Variants in TNFRSF8 observed in about 807,000 individuals in gnomAD.
TNFRSF8 encodes the protein TNF receptor superfamily member 8, also known as tumor necrosis factor receptor superfamily member 8.
A neutral mutation model predicts 70.8 loss-of-function variants in TNFRSF8; 26 were observed. The ratio of observed to expected loss-of-function variants is 0.37; its 90% CI spans 0.27 to 0.51. The LOEUF (loss-of-function observed/expected upper bound fraction) is 0.51. Ranked by LOEUF, TNFRSF8 falls within the 20% of genes least tolerant of loss-of-function variation. The pLI, the probability that TNFRSF8 is intolerant of heterozygous loss-of-function variation, is 0.94. For synonymous variants in TNFRSF8, 356 were observed against 339.2 expected, an observed-to-expected ratio of 1.05 and a Z score of -0.54; for missense variants, 720 against 807.9, an observed-to-expected ratio of 0.89 and a Z score of 1.32.
Position 12,108,074 on chromosome 1 carries a change from A to ATTTTTTTTTTTTTTTTTTTT in TNFRSF8, c.422-1485_422-1484insTTTTTTTTTTTTTTTTTTTT, listed in dbSNP as rs199941905. On this transcript the variant is annotated intron_variant, in intron 4 of 14. Transcript: ENST00000263932. This position sits in a 1 kb window ranked among gnomAD's most constrained non-coding sequence, Gnocchi z 4.0. ...CGAAGTCCCACACATACAGGCCACC[A>ATTTTTTTTTTTTTTTTTTTT]TTTTTTTATTTTTTTTTTTTTTGTG... Among the ~76,000 whole-genome samples, 28 of 146,190 alleles carry ATTTTTTTTTTTTTTTTTTTT rather than the reference A, an allele frequency of 1.9e-4. 1 individual carries two copies. The highest frequency in any genetic ancestry group is 3.5e-4 in the Admixed American group (5 of 14,458).
chr1:12,083,887 G>T (rs1259338335), intron 1 of TNFRSF8, among the ~76,000 whole-genome samples: 1 of 152,176 alleles, frequency 6.6e-6, no homozygotes, highest in Non-Finnish European at 1.5e-5. Context: ...TCCAAAAGCA[G>T]TCAACACTAA....
intron 1 of TNFRSF8, among the ~76,000 whole-genome samples, chr1:12,066,386 C>T (rs1350166433): frequency 6.6e-6 from 1 of 150,632 alleles, no homozygotes; most frequent in Non-Finnish European, 1.5e-5. Context: ...TGAAGTCTCC[C>T]TCAGCTGCCC....
chr1:12,127,374 C>T (rs1045197037), intron 12 of TNFRSF8, among the ~76,000 whole-genome samples: 1 of 152,386 alleles, frequency 6.6e-6, no homozygotes, highest in Non-Finnish European at 1.5e-5. Context: ...CCCAGGGCCA[C>T]ACAGCCTGGC....
At chr1:12,076,054 G>A (rs1160321682) in intron 1 of TNFRSF8, among the ~76,000 whole-genome samples, 1 of 151,044 alleles carries the variant, frequency 6.6e-6, no homozygotes, top group Admixed American at 6.6e-5. Flanking sequence ...GCTGCTGAAC[G>A]AAATTGGCCA....
Position 12,109,270 on chromosome 1 carries a change from G to A in TNFRSF8, c.422-296G>A, listed in dbSNP as rs1450383768. On this transcript the variant is annotated intron_variant, in intron 4 of 14. Coordinates refer to ENST00000263932, the MANE Select transcript of TNFRSF8 (RefSeq NM_001243.5). The surrounding 1 kb of genome is among the most constrained non-coding windows in gnomAD (Gnocchi z 4.4). ...CCTGAACTGGCTCATCGTGGCCAGA[G>A]GAATGCAACGGATTGATTGGTCCAG... Among the ~76,000 whole-genome samples, 1 of 152,212 alleles carries A rather than the reference G, an allele frequency of 6.6e-6. No individual in the cohort carries two copies. The highest frequency in any genetic ancestry group is 1.5e-5 in the Non-Finnish European group (1 of 68,040).
In TNFRSF8 at chr1:12,126,251, G is replaced by T; in HGVS notation, c.1309+15G>T. The T allele has an allele frequency of 6.2e-7, 1 of 1,614,050 alleles. No homozygotes were observed. Among genetic ancestry groups the T allele is most frequent in the Admixed American group, 1.7e-5 (1 of 60,016 alleles). ...AGAGCTTGTGGGTGAGTGTCCAGCC[G>T]TCCAAAGGGGCTGCCCGAGCCAGAG... is the stretch of plus-strand genomic sequence containing the variant. On this transcript the variant is annotated intron_variant, in intron 12 of 14. Coordinates refer to ENST00000263932, the MANE Select transcript of TNFRSF8 (RefSeq NM_001243.5).
Position 12,142,552 on chromosome 1 carries a change from TAGG to T in TNFRSF8, c.*25_*27del, listed in dbSNP as rs1328309208. ...AGTGAGGCCTGGGCTGGGCTGGGGC[TAGG>T]AGGGCAGCAGGGTGGCCTCTGGGAG... On this transcript the variant is annotated 3_prime_UTR_variant, in exon 15 of 15. Coordinates refer to ENST00000263932, the MANE Select transcript of TNFRSF8 (RefSeq NM_001243.5). The surrounding 1 kb of genome is among the most constrained non-coding windows in gnomAD (Gnocchi z 5.0). 2 of 1,553,198 alleles carry T rather than the reference TAGG, an allele frequency of 1.3e-6. No homozygotes were observed. Among genetic ancestry groups the T allele is most frequent in the South Asian group, 1.2e-5 (1 of 84,410 alleles).
At position 12,109,931 on chromosome 1, in the gene TNFRSF8, G is replaced by A. The variant is rs139682064; in HGVS notation, c.513-110G>A. On this transcript the variant is annotated intron_variant, in intron 5 of 14. Coordinates refer to ENST00000263932, the MANE Select transcript of TNFRSF8 (RefSeq NM_001243.5). This position sits in a 1 kb window ranked among gnomAD's most constrained non-coding sequence, Gnocchi z 4.4. ...GCTTACAGTGGGCCCGCCAGAGGCA[G>A]TGGGCCAAGGGCCTGGGACCCCATC... 0.023 allele frequency: 31,221 copies of A among 1,370,022 alleles called. 421 individuals are homozygous for A. The highest frequency in any genetic ancestry group is 0.027 in the Middle Eastern group (101 of 3,790). The allele number at this position is 1,370,022 out of a possible 1,614,324, so 84.9% of individuals were successfully genotyped here. A position where few individuals can be genotyped will look rare whatever the true frequency, so the allele number is the denominator to read the frequency against.
At chr1:12,087,501 T>C (rs1263363522) in intron 2 of TNFRSF8, among the ~76,000 whole-genome samples, 1 of 152,180 alleles carries the variant, frequency 6.6e-6, no homozygotes, top group Non-Finnish European at 1.5e-5. Context: ...CCTGTCCCCA[T>C]GTGGGATGCC....
In TNFRSF8 at chr1:12,122,658, C is replaced by CATAA. The variant is rs373833571; in HGVS notation, c.947-613_947-610dup. On this transcript the variant is annotated intron_variant, in intron 8 of 14. Coordinates refer to ENST00000263932, the MANE Select transcript of TNFRSF8 (RefSeq NM_001243.5). ...GAAGACTCAATCTCAAAAAATTAAA[C>CATAA]ATAAATAAATAAATAATTCCTTAAT... 1.9e-3 allele frequency among the ~76,000 whole-genome samples: 289 copies of CATAA among 151,810 alleles called. 1 individual carries two copies. The highest frequency in any genetic ancestry group is 6.9e-3 in the African/African-American group (284 of 41,416).
In TNFRSF8 at chr1:12,138,240, T is replaced by C. The variant is rs476488; in HGVS notation, c.1347T>C (p.Ser449=). ...TTCCCGTCCCACAGCAGCTGAGGAG[T>C]GGTGCGTCGGTGACAGAACCCGTCG... ...RPRRSSTQLR[S]GASVTEPVAE... is the part of the protein sequence containing the mutation. Residue 449 remains serine, a synonymous_variant, in exon 14 of 15, where the codon AGT becomes AGC. Coordinates refer to ENST00000263932, the MANE Select transcript of TNFRSF8 (RefSeq NM_001243.5). This position sits in a 1 kb window ranked among gnomAD's most constrained non-coding sequence, Gnocchi z 5.7. 0.16 allele frequency: 259,484 copies of C among 1,611,178 alleles called. 26,356 individuals carry two copies. Among genetic ancestry groups the C allele is most frequent in the African/African-American group, 0.47 (34,768 of 74,500 alleles).
chr1:12,128,659 A>G (rs1480411888), intron 12 of TNFRSF8, among the ~76,000 whole-genome samples: 1 of 152,072 alleles, frequency 6.6e-6, no homozygotes, highest in Admixed American at 6.6e-5. Context: ...CCTTGGCACC[A>G]TTGACATTTG....
At chr1:12,085,070 G>A (rs898935179) in intron 2 of TNFRSF8, among the ~76,000 whole-genome samples, 1 of 152,120 alleles carries the variant, frequency 6.6e-6, no homozygotes, top group Non-Finnish European at 1.5e-5. Flanking sequence ...CATTTCTGGG[G>A]CCCAGAAGTC....
chr1:12,135,315 CAAAA>C (rs33914244), intron 12 of TNFRSF8, among the ~76,000 whole-genome samples: 3 of 93,612 alleles, frequency 3.2e-5, no homozygotes, highest in African/African-American at 4.3e-5. Flanking sequence ...GACTCCATCT[CAAAA>C]AAAAAAAAAA....
At chr1:12,101,498 A>T (rs1010143596) in intron 3 of TNFRSF8, among the ~76,000 whole-genome samples, 2 of 152,190 alleles carry the variant, frequency 1.3e-5, no homozygotes, top group Non-Finnish European at 2.9e-5. Context: ...TATGATCATT[A>T]TCAAGTATTA....
intron 1 of TNFRSF8, among the ~76,000 whole-genome samples, chr1:12,082,779 T>C (rs1010420305): frequency 6.6e-6 from 1 of 152,122 alleles, no homozygotes; most frequent in Non-Finnish European, 1.5e-5. Context: ...AAAAAAGGCA[T>C]TAACCATAAA....
At chr1:12,129,848 G>A (rs900086470) in intron 12 of TNFRSF8, among the ~76,000 whole-genome samples, 5 of 152,168 alleles carry the variant, frequency 3.3e-5, no homozygotes, top group African/African-American at 1.2e-4. Flanking sequence ...GTCTTTAGGG[G>A]CGTTACTTGA....
intron 6 of TNFRSF8, among the ~76,000 whole-genome samples, chr1:12,111,535 A>G (rs1480882449): frequency 6.6e-6 from 1 of 152,076 alleles, no homozygotes; most frequent in East Asian, 1.9e-4. Context: ...TCCCTGCCCA[A>G]TACCATTCTG....
chr1:12,139,824 T>A (rs1276497502), intron 14 of TNFRSF8, among the ~76,000 whole-genome samples: 2 of 152,110 alleles, frequency 1.3e-5, no homozygotes. Context: ...TTAGTAGAGA[T>A]GGGGTTTCAC....
Sources: allele counts gnomAD v4.1 joint callset (sites outside exome capture counted in the v4.1 genomes callset), GRCh38; gene constraint gnomAD v4.1.1; non-coding constraint Gnocchi (gnomAD v3.1); transcripts MANE v1.5; gene names NCBI Gene and HGNC (gene_info 2026-07-23, HGNC 2026-07-21).